Variants in NFATC3 observed in about 807,000 individuals in gnomAD.
NFATC3 encodes nuclear factor of activated T-cells, cytoplasmic 3.
NFATC3 carries 46 observed loss-of-function variants against 98.6 expected under a neutral mutation model. The observed-to-expected ratio is 0.47, with a 90% CI of 0.37 to 0.60. NFATC3 has a LOEUF of 0.60. Ranked by LOEUF, NFATC3 falls within the 20% of genes least tolerant of loss-of-function variation. The pLI is 0.00. For synonymous variants in NFATC3, 512 were observed against 472.2 expected (o/e 1.08, Z -1.09); for missense variants, 1,256 against 1,295.5 (o/e 0.97, Z 0.47).
At chr16:68,140,635 A>G (rs2037702754) in intron 3 of NFATC3, among the ~76,000 whole-genome samples, 1 of 151,748 alleles carries the variant, frequency 6.6e-6, no homozygotes, top group Non-Finnish European at 1.5e-5. Flanking sequence ...AAATTAATAC[A>G]AAATGATCAT....
intron 7 of NFATC3, among the ~76,000 whole-genome samples, chr16:68,183,014 C>T (rs1598526096): frequency 6.6e-6 from 1 of 152,212 alleles, no homozygotes; most frequent in Non-Finnish European, 1.5e-5. Context: ...ACCAGAAACC[C>T]AATTGGGTGA....
intron 1 of NFATC3, among the ~76,000 whole-genome samples, chr16:68,088,506 T>A (rs150045315): frequency 7.5e-6 from 1 of 133,632 alleles, no homozygotes; most frequent in African/African-American, 3.5e-5. Flanking sequence ...TTTTATATAT[T>A]ATATATAATG....
chr16:68,102,871 TTTTG>T (rs2035447891), intron 1 of NFATC3, among the ~76,000 whole-genome samples: 3 of 152,286 alleles, frequency 2.0e-5, no homozygotes, highest in Admixed American at 6.5e-5. Flanking sequence ...TGTTTTCTCT[TTTTG>T]TTTATTTTTT....
At chr16:68,200,154 C>T (rs1048379863) in intron 9 of NFATC3, 1 of 151,974 alleles carries the variant, frequency 6.6e-6, no homozygotes, top group Non-Finnish European at 1.5e-5. Flanking sequence ...TCTCCAGCAA[C>T]TTCATCCTTC....
chr16:68,137,922 A>G (rs1458941821), intron 3 of NFATC3, among the ~76,000 whole-genome samples: 2 of 147,748 alleles, frequency 1.4e-5, no homozygotes, highest in East Asian at 4.2e-4. Flanking sequence ...GCCCGGCCGT[A>G]TGTTTCATTT....
chr16:68,215,890 G>A (rs1315094902), intron 9 of NFATC3, among the ~76,000 whole-genome samples: 4 of 151,698 alleles, frequency 2.6e-5, no homozygotes, highest in Admixed American at 6.6e-5. Context: ...CACCACGCCC[G>A]GCTAATTTTT....
At chr16:68,180,039 C>T (rs1035583514) in intron 6 of NFATC3, among the ~76,000 whole-genome samples, 4 of 152,154 alleles carry the variant, frequency 2.6e-5, no homozygotes, top group African/African-American at 7.2e-5. Flanking sequence ...ACAGCATTTC[C>T]GTGTACGGTG....
At chr16:68,221,330 G>C (rs1314786330) in intron 9 of NFATC3, 2 of 1,607,770 alleles carry the variant, frequency 1.2e-6, no homozygotes, top group South Asian at 1.1e-5. Context: ...AGAAGTGAGG[G>C]AGAAGGAAAG....
At chr16:68,212,305 A>C (rs953551909) in intron 9 of NFATC3, 1 of 152,178 alleles carries the variant, frequency 6.6e-6, no homozygotes, top group African/African-American at 2.4e-5. Context: ...GTGAGGGTGC[A>C]TTTTGTACAG....
chr16:68,096,959 G>A (rs530754694), intron 1 of NFATC3, among the ~76,000 whole-genome samples: 1 of 152,326 alleles, frequency 6.6e-6, no homozygotes, highest in South Asian at 2.1e-4. Context: ...CTACTATACT[G>A]TGGGTAATAG....
At chr16:68,183,690 C>CT (rs2040040983) in intron 8 of NFATC3, among the ~76,000 whole-genome samples, 1 of 152,168 alleles carries the variant, frequency 6.6e-6, no homozygotes, top group African/African-American at 2.4e-5. Context: ...ATGAACTCTC[C>CT]TTGTACCCTT....
At chr16:68,159,324 G>C (rs2038772735) in intron 4 of NFATC3, among the ~76,000 whole-genome samples, 1 of 151,896 alleles carries the variant, frequency 6.6e-6, no homozygotes, top group Non-Finnish European at 1.5e-5. Context: ...CCTATCAGTG[G>C]GTAGTAGGCA....
chr16:68,153,508 A>G (rs998633553), intron 3 of NFATC3, among the ~76,000 whole-genome samples: 1 of 152,240 alleles, frequency 6.6e-6, no homozygotes, highest in African/African-American at 2.4e-5. Context: ...CATCTTATGT[A>G]GCCTCACATT....
At chr16:68,174,967 G>C (rs960080507) in intron 6 of NFATC3, among the ~76,000 whole-genome samples, 2 of 152,198 alleles carry the variant, frequency 1.3e-5, no homozygotes, top group African/African-American at 2.4e-5. Context: ...CATGAACTTA[G>C]AGACAAATAT....
intron 3 of NFATC3, chr16:68,138,709 A>G (rs1421200682): frequency 1.6e-6 from 2 of 1,288,380 alleles, no homozygotes; most frequent in Admixed American, 2.3e-5. Context: ...TACTGGGAAA[A>G]GTAGTCCCTG....
intron 1 of NFATC3, among the ~76,000 whole-genome samples, chr16:68,111,319 A>G (rs1364105453): frequency 6.6e-6 from 1 of 152,152 alleles, no homozygotes; most frequent in Non-Finnish European, 1.5e-5. Flanking sequence ...TATTGGGTGC[A>G]TATATATTTA....
At chr16:68,186,288 C>T (rs988096451) in intron 8 of NFATC3, among the ~76,000 whole-genome samples, 2 of 151,492 alleles carry the variant, frequency 1.3e-5, no homozygotes, top group Admixed American at 6.6e-5. Context: ...CTGTAGCTCA[C>T]GCCTGTAATC....
intron 9 of NFATC3, among the ~76,000 whole-genome samples, chr16:68,193,376 C>A (rs1246689096): frequency 6.6e-6 from 1 of 152,072 alleles, no homozygotes; most frequent in Non-Finnish European, 1.5e-5. Context: ...TCACAGTCAC[C>A]CTGTGGAACC....
chr16:68,169,940 A>C (rs761605130), intron 5 of NFATC3, among the ~76,000 whole-genome samples: 1 of 152,132 alleles, frequency 6.6e-6, no homozygotes, highest in Non-Finnish European at 1.5e-5. Flanking sequence ...ACTCCATCTC[A>C]AAAGAAAGAA....
Sources: allele counts gnomAD v4.1 joint callset (sites outside exome capture counted in the v4.1 genomes callset), GRCh38; gene constraint gnomAD v4.1.1; transcripts MANE v1.5; gene names NCBI Gene and HGNC (gene_info 2026-07-23, HGNC 2026-07-21).